ZNF618: variants seen among roughly 807,000 people sequenced by gnomAD.
ZNF618 encodes zinc finger protein 618, also known as neural precursor cell expressed, developmentally down-regulated 10.
In ZNF618, 34 loss-of-function variants were observed where a neutral mutation model predicts 103.0. The observed-to-expected ratio is 0.33, with a 90% CI of 0.25 to 0.44. The LOEUF is 0.44. Among genes scored for constraint, ZNF618 ranks in the 20% least tolerant of loss-of-function variants. The pLI is 1.00. For synonymous variants in ZNF618, 551 were observed against 542.2 expected (o/e 1.02, Z -0.23); for missense variants, 1,059 against 1,295.4 (o/e 0.82, Z 2.80).
chr9:113,887,902 A>G (rs1829228861), intron 1 of ZNF618, among the ~76,000 whole-genome samples: 1 of 152,136 alleles, frequency 6.6e-6, no homozygotes, highest in African/African-American at 2.4e-5. Context: ...ATCTCACATT[A>G]TTTTTGCACA....
intron 1 of ZNF618, among the ~76,000 whole-genome samples, chr9:113,941,849 A>G (rs1222540269): frequency 6.6e-6 from 1 of 152,200 alleles, no homozygotes; most frequent in Non-Finnish European, 1.5e-5. Context: ...TTTCTCTGCC[A>G]TGCAGAGCTG....
chr9:113,917,481 T>G (rs1832235520), intron 1 of ZNF618, among the ~76,000 whole-genome samples: 1 of 151,792 alleles, frequency 6.6e-6, no homozygotes, highest in African/African-American at 2.4e-5. Flanking sequence ...CTTGAACTCC[T>G]AGGCTCAAGC....
rs555200728 is a variant in ZNF618 at position 113,988,511 on chromosome 9, G to A, written c.268G>A (p.Asp90Asn). 21 of 1,613,064 alleles carry A rather than the reference G, an allele frequency of 1.3e-5. No individual in the cohort carries two copies. The highest frequency in any genetic ancestry group is 1.7e-5 in the Non-Finnish European group (20 of 1,179,844). Residue 90 changes from aspartate (D) to asparagine (N), a missense_variant, in exon 3 of 15, where the codon GAT becomes AAT. Coordinates refer to ENST00000374126, the MANE Select transcript of ZNF618 (RefSeq NM_001318042.2). The stretch of plus-strand genomic sequence containing the variant: ...GGAGGAGAAGAAGGCGGTCAGCAAG[G>A]ATGGGACCAGCGACGTGCCTGCCGA... ...AKEEKKAVSK[D>N]GTSDVPAEIC... is the part of the protein sequence containing the mutation.
intron 1 of ZNF618, among the ~76,000 whole-genome samples, chr9:113,940,960 G>A (rs1397846004): frequency 1.3e-5 from 2 of 151,974 alleles, no homozygotes; most frequent in African/African-American, 4.8e-5. Context: ...CGTAATTTTG[G>A]TTTTGGTTTT....
chr9:113,972,123 C>T (rs1214480245), intron 2 of ZNF618, among the ~76,000 whole-genome samples: 1 of 152,186 alleles, frequency 6.6e-6, no homozygotes, highest in African/African-American at 2.4e-5. Context: ...TCTCTGCTCA[C>T]TGCATCCTCT....
intron 1 of ZNF618, among the ~76,000 whole-genome samples, chr9:113,892,384 A>G (rs1169238520): frequency 6.6e-6 from 1 of 152,186 alleles, no homozygotes; most frequent in Non-Finnish European, 1.5e-5. Context: ...AAGTCTGTAC[A>G]TGTTCTGTAC....
chr9:113,902,918 C>A (rs563430142), intron 1 of ZNF618, among the ~76,000 whole-genome samples: 3 of 152,298 alleles, frequency 2.0e-5, no homozygotes, highest in Admixed American at 2.0e-4. Flanking sequence ...CCCCCTCACC[C>A]CAAATAAAAC....
chr9:113,950,877 G>C (rs1835500375), intron 1 of ZNF618, among the ~76,000 whole-genome samples: 1 of 151,836 alleles, frequency 6.6e-6, no homozygotes, highest in Non-Finnish European at 1.5e-5. Context: ...CAGGCAGTGA[G>C]TGTGGAAGCA....
At chr9:113,898,204 G>C (rs763724446) in intron 1 of ZNF618, among the ~76,000 whole-genome samples, 9 of 152,192 alleles carry the variant, frequency 5.9e-5, no homozygotes, top group Non-Finnish European at 1.3e-4. Flanking sequence ...ACAAAGGAGT[G>C]TGTCTTAGAT....
chr9:113,981,186 C>T (rs145712023), intron 2 of ZNF618, among the ~76,000 whole-genome samples: 3 of 152,108 alleles, frequency 2.0e-5, no homozygotes, highest in African/African-American at 7.2e-5. Flanking sequence ...GGGGAGTTAA[C>T]CAAGTCATTA....
chr9:113,986,171 A>G lies in ZNF618; in HGVS notation c.78-2150A>G, dbSNP rs565124710. On this transcript the variant is annotated intron_variant, in intron 2 of 14. Coordinates refer to ENST00000374126, the MANE Select transcript of ZNF618 (RefSeq NM_001318042.2). ...CCAGGCGCTGTGCTGAGTACTTTCC[A>G]TGTGTTCGTTGATTAAAATCTGCAT... is the stretch of plus-strand genomic sequence containing the variant. Among the ~76,000 whole-genome samples, 19 of 152,296 alleles carry G rather than the reference A, an allele frequency of 1.2e-4. No individual in the cohort carries two copies. In the South Asian group the frequency reaches 3.9e-3, roughly 32 times the overall value.
In ZNF618 at chr9:114,034,331, C is replaced by T. The variant is rs180897620; in HGVS notation, c.1168+1603C>T. On this transcript the variant is annotated intron_variant, in intron 12 of 14. Transcript: ENST00000374126. ...AGTAGCGCCGGGCTGGAACCGAGGT[C>T]TCCAGATGTGCCCTGTGCTCCCAGC... 1.2e-3 allele frequency among the ~76,000 whole-genome samples: 186 copies of T among 152,238 alleles called. 2 individuals are homozygous for T. The East Asian group carries it at 0.03, about 25-fold the overall frequency.
At chr9:113,893,833 G>C (rs770136232) in intron 1 of ZNF618, among the ~76,000 whole-genome samples, 9 of 151,932 alleles carry the variant, frequency 5.9e-5, no homozygotes, top group Non-Finnish European at 1.3e-4. Flanking sequence ...TGGGTTAAGG[G>C]TACATATTAG....
chr9:113,905,932 C>T (rs1227139426), intron 1 of ZNF618, among the ~76,000 whole-genome samples: 2 of 152,126 alleles, frequency 1.3e-5, no homozygotes, highest in African/African-American at 2.4e-5. Flanking sequence ...ATCGTAGGAC[C>T]CACCTTGTTT....
intron 4 of ZNF618, among the ~76,000 whole-genome samples, chr9:114,001,142 C>G (rs1183955464): frequency 1.3e-5 from 2 of 152,212 alleles, no homozygotes; most frequent in African/African-American, 4.8e-5. Context: ...CTGAGGGGCT[C>G]TTCTTGGCTT....
chr9:113,912,881 G>C (rs1430910529), intron 1 of ZNF618, among the ~76,000 whole-genome samples: 1 of 152,100 alleles, frequency 6.6e-6, no homozygotes, highest in East Asian at 1.9e-4. Context: ...ACAGTTACGA[G>C]GATTTTCTGA....
chr9:113,937,758 TC>T (rs1834156090), intron 1 of ZNF618, among the ~76,000 whole-genome samples: 1 of 152,248 alleles, frequency 6.6e-6, no homozygotes, highest in Admixed American at 6.5e-5. Context: ...AATAGTCTAT[TC>T]CTTTTCCCAC....
At position 114,050,366 on chromosome 9, in the gene ZNF618, G is replaced by C; in HGVS notation, c.*199G>C. Reference sequence around the variant, plus strand: ...CAGCCACACGTGTGTGCACGTGTCTGAACACGTGCTGTGGTTGTGGGGGTG... The same window carrying C: ...CAGCCACACGTGTGTGCACGTGTCTCAACACGTGCTGTGGTTGTGGGGGTG... On this transcript the variant is annotated 3_prime_UTR_variant, in exon 15 of 15. Transcript: ENST00000374126. 1.7e-6 allele frequency: 1 copy of C among 601,182 alleles called. No individual in the cohort carries two copies. Among genetic ancestry groups the C allele is most frequent in the Non-Finnish European group, 2.7e-6 (1 of 367,412 alleles). The allele number at this position is 601,182 out of a possible 1,614,324, so 37.2% of individuals were successfully genotyped here. A position where few individuals can be genotyped will look rare whatever the true frequency, so the allele number is the denominator to read the frequency against.
chr9:113,953,575 C>T lies in ZNF618; in HGVS notation c.34-15542C>T, dbSNP rs79605158. On this transcript the variant is annotated intron_variant, in intron 1 of 14. Transcript: ENST00000374126. ...TTTGATTCTGTTCTTGTCACTTCAG[C>T]CAGTTAACCTCTGCTTCTTCCTCTC... Among the ~76,000 whole-genome samples, 1,064 of 152,284 alleles carry T rather than the reference C, an allele frequency of 7.0e-3. 15 individuals are homozygous for T. The highest frequency in any genetic ancestry group is 0.024 in the African/African-American group (994 of 41,552).
Sources: allele counts gnomAD v4.1 joint callset (sites outside exome capture counted in the v4.1 genomes callset), GRCh38; gene constraint gnomAD v4.1.1; transcripts MANE v1.5; gene names NCBI Gene and HGNC (gene_info 2026-07-23, HGNC 2026-07-21).